Variants in RAB4A observed in about 807,000 individuals in gnomAD.
RAB4A encodes RAB4A, member RAS oncogene family, also known as ras-related protein Rab-4A.
Under a neutral mutation model 34.5 loss-of-function variants are expected in RAB4A, and 20 were observed. The observed-to-expected ratio is 0.58, with a 90% CI of 0.41 to 0.84. The LOEUF (loss-of-function observed/expected upper bound fraction) is 0.84. Among genes scored for constraint, RAB4A ranks in the 40% least tolerant of loss-of-function variants. RAB4A has a pLI of 0.00. For missense variants in RAB4A, 228 were observed against 274.5 expected (o/e 0.83, Z 1.20); for synonymous variants, 102 against 100.0 (o/e 1.02, Z -0.12).
chr1:229,305,031 T>A lies in RAB4A; in HGVS notation c.*1238T>A. On this transcript the variant is annotated 3_prime_UTR_variant, in exon 8 of 8. Transcript: ENST00000366690. ...TTATATATGTTCTTCCACTGTGACT[T>A]TTTAGTTGAAGACTAGTAAATTAAC... The A allele has an allele frequency of 7.6e-7, 1 of 1,317,038 alleles. No homozygotes were observed. Among genetic ancestry groups the A allele is most frequent in the Non-Finnish European group, 9.9e-7 (1 of 1,009,782 alleles). The allele number at this position is 1,317,038 out of a possible 1,614,324, so 81.6% of individuals were successfully genotyped here. A position where few individuals can be genotyped will look rare whatever the true frequency, so the allele number is the denominator to read the frequency against.
intron 5 of RAB4A, 149 bp from the exon 6 acceptor site, chr1:229,298,828 T>C: frequency 1.6e-6 from 1 of 626,228 alleles, no homozygotes; most frequent in Non-Finnish European, 2.8e-6. Context: ...TAATGACATA[T>C]ATTGATTTTA....
At chr1:229,288,935 C>T (rs890159355) in intron 3 of RAB4A, 92 bp downstream of exon 3, 5 of 740,670 alleles carry the variant, frequency 6.8e-6, no homozygotes, top group Non-Finnish European at 9.1e-6. Flanking sequence ...CACTCCCTCC[C>T]CAACACACCC....
At chr1:229,274,096 A>C in intron 1 of RAB4A, among the ~76,000 whole-genome samples, 1 of 118,508 alleles carries the variant, frequency 8.4e-6, no homozygotes, top group Non-Finnish European at 1.6e-5. Flanking sequence ...TCTGTCACCC[A>C]TGCTGGAGTG....
Position 229,302,956 on chromosome 1 carries a change from C to T in RAB4A, c.636C>T (p.Asn212=), listed in dbSNP as rs748859511. Residue 212 remains asparagine (N), a synonymous_variant, in exon 7 of 8, where the codon AAC becomes AAT. Transcript: ENST00000366690. ...CACCGCGGCGCGCACAGGCCCCGAA[C>T]GCTCAGGAGTGTGGTTGTTAGGAGA... is the stretch of plus-strand genomic sequence containing the variant. ...LRSPRRAQAP[N]AQECGC 9 of 1,613,730 alleles carry T rather than the reference C, an allele frequency of 5.6e-6. No homozygotes were observed. Among genetic ancestry groups the T allele is most frequent in the East Asian group, 2.2e-5 (1 of 44,882 alleles).
At chr1:229,279,007 T>C (rs766076295) in intron 1 of RAB4A, among the ~76,000 whole-genome samples, 3 of 152,260 alleles carry the variant, frequency 2.0e-5, no homozygotes, top group Non-Finnish European at 4.4e-5. Flanking sequence ...TGGCAACTTA[T>C]TATTTTACCT....
chr1:229,284,093 G>A (rs1460301897), intron 1 of RAB4A, among the ~76,000 whole-genome samples: 1 of 120,132 alleles, frequency 8.3e-6, no homozygotes, highest in African/African-American at 3.5e-5. Flanking sequence ...GGTGTTGTTT[G>A]GTTTTTTTTT....
At chr1:229,293,309 A>G (rs1371837405) in intron 3 of RAB4A, among the ~76,000 whole-genome samples, 1 of 152,118 alleles carries the variant, frequency 6.6e-6, no homozygotes, top group Non-Finnish European at 1.5e-5. Flanking sequence ...GATTGACTCA[A>G]TCTCCAGCTC....
Position 229,302,998 on chromosome 1 carries a change from G to A in RAB4A, c.*12+9G>A. 1 of 1,578,760 alleles carries A rather than the reference G, an allele frequency of 6.3e-7. No individual in the cohort carries two copies. The highest frequency in any genetic ancestry group is 1.1e-5 in the South Asian group (1 of 90,216). Reference sequence around the variant, plus strand: ...GTTAGGAGAGCACACAGGTGGGTTTGGACACCTCCCTGCCCTGAGTTCCTG... The same window carrying A: ...GTTAGGAGAGCACACAGGTGGGTTTAGACACCTCCCTGCCCTGAGTTCCTG... On this transcript the variant is annotated intron_variant, in intron 7 of 7. Transcript: ENST00000366690.
At chr1:229,300,987 A>T (rs1446570757) in intron 6 of RAB4A, among the ~76,000 whole-genome samples, 1 of 152,152 alleles carries the variant, frequency 6.6e-6, no homozygotes, top group Non-Finnish European at 1.5e-5. Flanking sequence ...AAATCAAAGG[A>T]GTGTTCATTA....
chr1:229,293,773 T>A (rs1657160870), intron 3 of RAB4A, among the ~76,000 whole-genome samples: 1 of 152,002 alleles, frequency 6.6e-6, no homozygotes, highest in African/African-American at 2.4e-5. Context: ...ATGGGGATGC[T>A]TGGGGAACGT....
At chr1:229,295,029 C>T (rs1203319018) in intron 3 of RAB4A, among the ~76,000 whole-genome samples, 1 of 147,446 alleles carries the variant, frequency 6.8e-6, no homozygotes, top group Admixed American at 6.8e-5. Context: ...GTGGCATGAT[C>T]GCTCACCGTC....
chr1:229,276,382 T>C (rs1656650485), intron 1 of RAB4A, among the ~76,000 whole-genome samples: 1 of 151,426 alleles, frequency 6.6e-6, no homozygotes, highest in East Asian at 1.9e-4. Flanking sequence ...AAAATATTCT[T>C]TCTCATGGTC....
chr1:229,290,811 A>C (rs1657050612), intron 3 of RAB4A, among the ~76,000 whole-genome samples: 1 of 152,230 alleles, frequency 6.6e-6, no homozygotes, highest in Non-Finnish European at 1.5e-5. Flanking sequence ...GGGAGAGATG[A>C]CATAAAGAAT....
intron 1 of RAB4A, 92 bp from the exon 2 acceptor site, chr1:229,286,394 C>A: frequency 2.7e-6 from 2 of 747,594 alleles, no homozygotes; most frequent in Non-Finnish European, 4.4e-6. Context: ...GTTATATTAA[C>A]AACTAAGATA....
At chr1:229,298,942 A>G in intron 5 of RAB4A, 35 bp from the exon 6 acceptor site, 1 of 1,484,502 alleles carries the variant, frequency 6.7e-7, no homozygotes, top group Non-Finnish European at 9.3e-7. Flanking sequence ...ATCATCTTCT[A>G]AACATGACTT....
intron 1 of RAB4A, among the ~76,000 whole-genome samples, chr1:229,272,431 A>G (rs1039549385): frequency 1.3e-5 from 2 of 152,076 alleles, no homozygotes; most frequent in Non-Finnish European, 2.9e-5. Flanking sequence ...TCCTGCAGAA[A>G]CACAGCAGAC....
At chr1:229,302,302 TA>T (rs1657427189) in intron 6 of RAB4A, among the ~76,000 whole-genome samples, 14 of 36,806 alleles carry the variant, frequency 3.8e-4, no homozygotes, top group African/African-American at 4.2e-4. Flanking sequence ...TATATATATA[TA>T]TATATATTTT....
chr1:229,276,169 A>G (rs78342516), intron 1 of RAB4A, among the ~76,000 whole-genome samples: 1 of 151,446 alleles, frequency 6.6e-6, no homozygotes, highest in East Asian at 1.9e-4. Flanking sequence ...TCAAGTACCA[A>G]AGTTTGGGAA....
chr1:229,301,531 AGGTTGTATT>A (rs1657385968), intron 6 of RAB4A, among the ~76,000 whole-genome samples: 1 of 152,114 alleles, frequency 6.6e-6, no homozygotes, highest in Non-Finnish European at 1.5e-5. Context: ...GCTCAGCATG[AGGTTGTATT>A]TACATGACCT....
Sources: gnomAD v4.1 joint callset for allele counts (sites outside exome capture counted in the v4.1 genomes callset) on GRCh38, gnomAD v4.1.1 for gene constraint, MANE v1.5 for transcripts, NCBI Gene and HGNC (gene_info 2026-07-23, HGNC 2026-07-21) for gene names.